The following CD101 variants were observed in gnomAD, a reference collection of about 807,000 sequenced individuals.
The protein encoded by CD101 is CD101 molecule.
A neutral mutation model predicts 98.2 loss-of-function variants in CD101; 76 were observed. The observed-to-expected ratio is 0.77, with a 90% confidence interval of 0.64 to 0.94. The LOEUF (loss-of-function observed/expected upper bound fraction) is 0.94, where lower values mean the gene tolerates loss of function less well. Among genes scored for constraint, CD101 ranks in the 40% least tolerant of loss-of-function variants. The pLI is 0.00. For missense variants in CD101, 1,145 were observed against 1,218.8 expected, an observed-to-expected ratio of 0.94 and a Z score of 0.90; for synonymous variants, 471 against 472.7, an observed-to-expected ratio of 1.00 and a Z score of 0.05.
At chr1:117,030,153 C>T (rs1468928784) in intron 8 of CD101, among the ~76,000 whole-genome samples, 1 of 152,014 alleles carries the variant, frequency 6.6e-6, no homozygotes, top group Non-Finnish European at 1.5e-5. Context: ...ATCTGTAATC[C>T]CAGCACTTTG....
intron 7 of CD101, among the ~76,000 whole-genome samples, chr1:117,024,224 C>T (rs1374368277): frequency 6.6e-6 from 1 of 152,222 alleles, no homozygotes. Flanking sequence ...TGCCTATAAT[C>T]CCAGCACTTT....
rs903258387 is a variant in CD101 at position 117,021,066 on chromosome 1, C to G, written c.2018-507C>G. ...TGTACAACTTCCTTTTGTTTACCCA[C>G]GTTTGAAGGCAGATACAACTAGAGT... On this transcript the variant is annotated intron_variant, in intron 6 of 9. Transcript: ENST00000682167. This position sits in a 1 kb window ranked among gnomAD's most constrained non-coding sequence, Gnocchi z 4.7. Among the ~76,000 whole-genome samples the G allele has an allele frequency of 6.6e-6, 1 of 152,180 alleles. No homozygotes were observed. Among genetic ancestry groups the G allele is most frequent in the African/African-American group, 2.4e-5 (1 of 41,444 alleles).
At chr1:117,009,270 A>G (rs1040131289) in intron 1 of CD101, among the ~76,000 whole-genome samples, 2 of 152,212 alleles carry the variant, frequency 1.3e-5, no homozygotes, top group East Asian at 1.9e-4. Context: ...AAACAAAACC[A>G]AAAAAACCTC....
At chr1:117,016,561 A>G (rs1401669641) in intron 4 of CD101, among the ~76,000 whole-genome samples, 1 of 152,208 alleles carries the variant, frequency 6.6e-6, no homozygotes, top group Non-Finnish European at 1.5e-5. Context: ...TGTGCAAGTG[A>G]TAAATTGTTT....
Position 117,021,922 on chromosome 1 carries a change from C to T in CD101, c.2367C>T (p.Gly789=), listed in dbSNP as rs147808609. 2.0e-3 allele frequency: 3,211 copies of T among 1,613,822 alleles called. 7 individuals are homozygous for T. The highest frequency in any genetic ancestry group is 2.5e-3 in the Non-Finnish European group (2,914 of 1,179,924). ...AVEEWLLSTN[G]TWHKLGEKKS... ...AGGAATGGCTCCTGTCTACAAATGG[C>T]ACTTGGCACAAGCTTGGAGAAAAGA... Residue 789 remains glycine, a synonymous_variant, in exon 7 of 10, where the codon GGC becomes GGT. Coordinates refer to ENST00000682167, the MANE Select transcript of CD101 (RefSeq NM_001256106.3). The surrounding 1 kb of genome is among the most constrained non-coding windows in gnomAD (Gnocchi z 4.7).
intron 1 of CD101, among the ~76,000 whole-genome samples, chr1:117,009,457 T>C (rs12038029): frequency 0.064 from 9,701 of 152,366 alleles, 683 homozygotes; most frequent in East Asian, 0.41. Context: ...AACTGCCCGA[T>C]GGCAGGCACC....
chr1:117,011,800 CAAA>C lies in CD101; in HGVS notation c.676_678del (p.Lys226del). The C allele has an allele frequency of 1.2e-6, 2 of 1,614,160 alleles. No homozygotes were observed. The highest frequency in any genetic ancestry group is 1.7e-6 in the Non-Finnish European group (2 of 1,180,020). On this transcript the variant is annotated inframe_deletion, in exon 3 of 10. Transcript: ENST00000682167. ...TTGCAGCCAGTGACGTACAGCTCAACAAACTGGGACCCACTACATTCAGGCTGT... is the reference window on the plus strand; with the variant it reads ...TTGCAGCCAGTGACGTACAGCTCAACCTGGGACCCACTACATTCAGGCTGT...
chr1:117,035,581 G>C (rs1480916243), intron 9 of CD101, among the ~76,000 whole-genome samples: 1 of 142,616 alleles, frequency 7.0e-6, no homozygotes, highest in Non-Finnish European at 1.5e-5. Flanking sequence ...ATGAAGTCTC[G>C]CTCTGTCGCC....
At chr1:117,032,940 T>C (rs1654554048) in intron 8 of CD101, 1 of 152,284 alleles carries the variant, frequency 6.6e-6, no homozygotes, top group African/African-American at 2.4e-5. Flanking sequence ...TGCCTTTATA[T>C]AGTATCTTTT....
intron 8 of CD101, among the ~76,000 whole-genome samples, chr1:117,029,615 G>T (rs527538585): frequency 6.6e-6 from 1 of 152,370 alleles, no homozygotes; most frequent in Admixed American, 6.5e-5. Context: ...CTAGCACAGT[G>T]CCTGGCACAT....
intron 8 of CD101, chr1:117,026,917 G>T (rs1205769092): frequency 6.6e-6 from 1 of 152,112 alleles, no homozygotes; most frequent in Non-Finnish European, 1.5e-5. Context: ...TACCTTCTGG[G>T]CTCCTCCACC....
At position 117,019,538 on chromosome 1, in the gene CD101, T is replaced by G. The variant is rs1045731091; in HGVS notation, c.2017+978T>G. Among the ~76,000 whole-genome samples, 2 of 152,200 alleles carry G rather than the reference T, an allele frequency of 1.3e-5. No individual in the cohort carries two copies. The highest frequency in any genetic ancestry group is 2.9e-5 in the Non-Finnish European group (2 of 68,038). ...ACCATGACACAAGATTTTCATTTTC[T>G]CCTCCACTGATTTATTCTTTAAAGA... On this transcript the variant is annotated intron_variant, in intron 6 of 9. Transcript: ENST00000682167. This position sits in a 1 kb window ranked among gnomAD's most constrained non-coding sequence, Gnocchi z 4.3.
chr1:117,028,145 C>T (rs1654085176), intron 8 of CD101, among the ~76,000 whole-genome samples: 1 of 151,408 alleles, frequency 6.6e-6, no homozygotes, highest in African/African-American at 2.4e-5. Flanking sequence ...GGGAGGTCCA[C>T]AGTACAGTGC....
rs12059596 is a variant in CD101 at position 117,018,241 on chromosome 1, C to T, written c.1698C>T (p.Ala566=). Residue 566 remains alanine (A), a synonymous_variant, in exon 6 of 10, where the codon GCC becomes GCT. Transcript: ENST00000682167. This position sits in a 1 kb window ranked among gnomAD's most constrained non-coding sequence, Gnocchi z 4.3. Reference sequence around the variant, plus strand: ...TTGACCTGTCCTGTGTCGTGAGGGCCGGTTACTCTGACCTCAAGGTGCCAC... The same window carrying T: ...TTGACCTGTCCTGTGTCGTGAGGGCTGGTTACTCTGACCTCAAGGTGCCAC... ...NTFDLSCVVR[A]GYSDLKVPLT... 797 of 1,614,116 alleles carry T rather than the reference C, an allele frequency of 4.9e-4. 4 individuals carry two copies. In the African/African-American group the frequency reaches 7.4e-3, roughly 15 times the overall value.
At chr1:117,024,934 C>A (rs1337107845) in intron 7 of CD101, among the ~76,000 whole-genome samples, 1 of 152,160 alleles carries the variant, frequency 6.6e-6, no homozygotes, top group African/African-American at 2.4e-5. Context: ...GAGGGCCCTG[C>A]AGAAGCTGTG....
chr1:117,032,245 T>TC (rs1383840368), intron 8 of CD101: 1 of 152,248 alleles, frequency 6.6e-6, no homozygotes, highest in Non-Finnish European at 1.5e-5. Flanking sequence ...TGATGATCTG[T>TC]ACTTTGTATA....
intron 1 of CD101, among the ~76,000 whole-genome samples, chr1:117,003,879 T>A (rs1392731493): frequency 6.6e-6 from 1 of 152,252 alleles, no homozygotes; most frequent in Non-Finnish European, 1.5e-5. Flanking sequence ...TTTAGAAGTC[T>A]GCTGTTTGTC....
At chr1:117,025,002 T>C (rs1653814079) in intron 7 of CD101, among the ~76,000 whole-genome samples, 1 of 152,184 alleles carries the variant, frequency 6.6e-6, no homozygotes, top group Admixed American at 6.5e-5. Flanking sequence ...GGAAAGAGGC[T>C]GGTTTGATTC....
At chr1:117,024,251 C>A (rs773505788) in intron 7 of CD101, among the ~76,000 whole-genome samples, 1 of 152,044 alleles carries the variant, frequency 6.6e-6, no homozygotes, top group Middle Eastern at 3.2e-3. Context: ...CCAAGGTGGG[C>A]GGATCACCTG....
Sources: gnomAD v4.1 joint callset for allele counts (sites outside exome capture counted in the v4.1 genomes callset) on GRCh38, gnomAD v4.1.1 for gene constraint, Gnocchi (gnomAD v3.1) non-coding constraint, MANE v1.5 for transcripts, NCBI Gene and HGNC (gene_info 2026-07-23, HGNC 2026-07-21) for gene names.